The following TSHZ2 variants were observed in gnomAD, a reference collection of about 807,000 sequenced individuals.
TSHZ2 encodes the protein teashirt homolog 2.
TSHZ2 carries 21 observed loss-of-function variants against 74.4 expected under a neutral mutation model. The ratio of observed to expected loss-of-function variants is 0.28; its 90% CI spans 0.20 to 0.41. The LOEUF (loss-of-function observed/expected upper bound fraction) is 0.41, where lower values mean the gene tolerates loss of function less well. Ranked by LOEUF, TSHZ2 falls within the 10% of genes least tolerant of loss-of-function variation. The probability of loss-of-function intolerance (pLI) is 1.00; values close to 1 mark genes in which losing one functional copy is unlikely to be tolerated. For missense variants in TSHZ2, 1,244 were observed against 1,293.5 expected (o/e 0.96, Z 0.59); for synonymous variants, 540 against 515.3 (o/e 1.05, Z -0.65).
In TSHZ2 at chr20:53,150,057, C is replaced by G. The variant is rs575118208; in HGVS notation, c.41-103442C>G. Among the ~76,000 whole-genome samples, 6 of 152,306 alleles carry G rather than the reference C, an allele frequency of 3.9e-5. No homozygotes were observed. The East Asian group carries it at 9.6e-4, about 24-fold the overall frequency. ...AGTTCTGCCTATGTGCCGGACACTGCGGTAAATGTTTTACTTATACACCTC... is the reference window on the plus strand; with the variant it reads ...AGTTCTGCCTATGTGCCGGACACTGGGGTAAATGTTTTACTTATACACCTC... On this transcript the variant is annotated intron_variant, in intron 1 of 2. Transcript: ENST00000371497.
At chr20:53,397,986 G>A (rs1054682095) in intron 2 of TSHZ2, 1 of 152,076 alleles carries the variant, frequency 6.6e-6, no homozygotes, top group Non-Finnish European at 1.5e-5. Context: ...GTCATGGAGT[G>A]GGGGGAGGGG....
At chr20:52,979,635 T>C (rs550843917) in intron 1 of TSHZ2, among the ~76,000 whole-genome samples, 5 of 152,332 alleles carry the variant, frequency 3.3e-5, no homozygotes, top group Admixed American at 1.3e-4. Context: ...CATTTGAAAG[T>C]CATTAAAATG....
chr20:53,373,661 A>C (rs1045951163), intron 2 of TSHZ2, among the ~76,000 whole-genome samples: 1 of 152,224 alleles, frequency 6.6e-6, no homozygotes, highest in Non-Finnish European at 1.5e-5. Context: ...GTTCAAGCCA[A>C]CAGGATTTTC....
chr20:53,166,717 G>A (rs1181294227), intron 1 of TSHZ2, among the ~76,000 whole-genome samples: 1 of 152,074 alleles, frequency 6.6e-6, no homozygotes, highest in Non-Finnish European at 1.5e-5. Context: ...GTTTCAGTGA[G>A]CCAAGATCAC....
At chr20:53,177,347 T>C (rs1046493241) in intron 1 of TSHZ2, among the ~76,000 whole-genome samples, 1 of 152,220 alleles carries the variant, frequency 6.6e-6, no homozygotes, top group Admixed American at 6.5e-5. Context: ...AAATTGTTAG[T>C]TCAGGATTTA....
At chr20:53,435,671 G>A (rs1022672100) in intron 2 of TSHZ2, among the ~76,000 whole-genome samples, 4 of 152,028 alleles carry the variant, frequency 2.6e-5, no homozygotes, top group Non-Finnish European at 5.9e-5. Context: ...GTGTCACCAC[G>A]CCTGGCTAAT....
At chr20:53,391,665 G>C (rs150159454) in intron 2 of TSHZ2, among the ~76,000 whole-genome samples, 151 of 152,192 alleles carry the variant, frequency 9.9e-4, no homozygotes, top group Non-Finnish European at 1.6e-3. Context: ...CAAAATAGCC[G>C]AGCACAGTGG....
intron 1 of TSHZ2, among the ~76,000 whole-genome samples, chr20:53,037,692 A>T (rs1322207920): frequency 6.6e-6 from 1 of 152,216 alleles, no homozygotes; most frequent in Non-Finnish European, 1.5e-5. Flanking sequence ...TGTGAATTCT[A>T]TGAATGAAGC....
intron 1 of TSHZ2, among the ~76,000 whole-genome samples, chr20:53,110,909 C>A (rs547922131): frequency 1.4e-4 from 22 of 151,816 alleles, no homozygotes; most frequent in Admixed American, 4.6e-4. Context: ...CAGATGCCAG[C>A]AGACATCTAA....
rs1429489525 is a variant in TSHZ2, at chr20:53,254,262, A to C, written c.804A>C (p.Lys268Asn). The C allele has an allele frequency of 6.2e-7, 1 of 1,614,146 alleles. No homozygotes were observed. Among genetic ancestry groups the C allele is most frequent in the Non-Finnish European group, 8.5e-7 (1 of 1,180,014 alleles). ...PRKRAFQDMD[K>N]EDAQKVLKCM... ...AAAGGGCTTTCCAGGATATGGACAA[A>C]GAGGATGCTCAAAAGGTTCTGAAAT... Residue 268 changes from lysine to asparagine, a missense_variant, in exon 2 of 3, where the codon AAA (lysine) becomes AAC (asparagine). Lys to Asn is a moderately conservative substitution (Grantham distance 94, BLOSUM62 0). Transcript: ENST00000371497.
intron 2 of TSHZ2, among the ~76,000 whole-genome samples, chr20:53,341,687 G>A (rs1279149397): frequency 1.3e-5 from 2 of 151,888 alleles, no homozygotes; most frequent in South Asian, 2.1e-4. Context: ...ATTTATGTAT[G>A]TATAGATATA....
rs186475339 is a variant in TSHZ2, at chr20:53,099,768, A to G, written c.40+126435A>G. On this transcript the variant is annotated intron_variant, in intron 1 of 2. Transcript: ENST00000371497. The stretch of plus-strand genomic sequence containing the variant: ...ACCTATTCACTACTACGACAAGAGT[A>G]TGGGGGAAACTGCCCCCATGATTCA... Among the ~76,000 whole-genome samples, 500 of 152,314 alleles carry G rather than the reference A, an allele frequency of 3.3e-3. 1 individual carries two copies. The highest frequency in any genetic ancestry group is 0.011 in the African/African-American group (460 of 41,568).
intron 2 of TSHZ2, among the ~76,000 whole-genome samples, chr20:53,447,920 T>C (rs1289037634): frequency 6.6e-6 from 1 of 151,450 alleles, no homozygotes; most frequent in East Asian, 1.9e-4. Context: ...AAATTTTTTT[T>C]TTTTTTTTTT....
chr20:53,472,661 T>C lies in TSHZ2; in HGVS notation c.*9-14483T>C, dbSNP rs1985849379. 1.3e-5 allele frequency among the ~76,000 whole-genome samples: 2 copies of C among 152,052 alleles called. 1 individual carries two copies. The highest frequency in any genetic ancestry group is 4.2e-4 in the South Asian group (2 of 4,814). Reference sequence around the variant, plus strand: ...CTCAGGGGGGAGGGAGGAGCCAAGATGGCCGAATAGGAACAGCTCCAGTCT... The same window carrying C: ...CTCAGGGGGGAGGGAGGAGCCAAGACGGCCGAATAGGAACAGCTCCAGTCT... On this transcript the variant is annotated intron_variant, in intron 2 of 2. Transcript: ENST00000371497.
At chr20:53,164,246 A>C (rs1299649095) in intron 1 of TSHZ2, among the ~76,000 whole-genome samples, 2 of 152,138 alleles carry the variant, frequency 1.3e-5, no homozygotes, top group East Asian at 3.9e-4. Flanking sequence ...CTGGATTTTT[A>C]TTACACAACT....
chr20:53,483,015 A>G (rs934955007), intron 2 of TSHZ2, among the ~76,000 whole-genome samples: 1 of 152,242 alleles, frequency 6.6e-6, no homozygotes, highest in African/African-American at 2.4e-5. Context: ...GTGTAGGAAC[A>G]CTGACCTTAC....
intron 1 of TSHZ2, among the ~76,000 whole-genome samples, chr20:53,014,984 A>G (rs1982982887): frequency 6.6e-6 from 1 of 151,924 alleles, no homozygotes; most frequent in South Asian, 2.1e-4. Flanking sequence ...TCCTCTGCCT[A>G]CCTCCCCACC....
chr20:53,469,319 G>A (rs1230464168), intron 2 of TSHZ2, among the ~76,000 whole-genome samples: 6 of 151,622 alleles, frequency 4.0e-5, no homozygotes. Flanking sequence ...TGAGGTGAGT[G>A]GATCACTTGA....
intron 2 of TSHZ2, among the ~76,000 whole-genome samples, chr20:53,383,087 C>A (rs914370798): frequency 4.6e-5 from 7 of 151,802 alleles, no homozygotes; most frequent in Admixed American, 1.3e-4. Context: ...ATGGTGAAAC[C>A]CCGTCTCTAA....
Sources: allele counts gnomAD v4.1 joint callset (sites outside exome capture counted in the v4.1 genomes callset), GRCh38; gene constraint gnomAD v4.1.1; transcripts MANE v1.5; gene names NCBI Gene and HGNC (gene_info 2026-07-23, HGNC 2026-07-21).